WNT9A: variants seen among roughly 807,000 people sequenced by gnomAD.
The protein encoded by WNT9A is Wnt family member 9A.
A neutral mutation model predicts 31.4 loss-of-function variants in WNT9A; 8 were observed. The ratio of observed to expected loss-of-function variants is 0.26; its 90% confidence interval spans 0.15 to 0.46. The LOEUF (loss-of-function observed/expected upper bound fraction) is 0.46, where lower values mean the gene tolerates loss of function less well. WNT9A is among the 20% of genes least tolerant of loss of function. The pLI is 0.99. For missense variants in WNT9A, 457 were observed against 522.9 expected (o/e 0.87, Z 1.23); for synonymous variants, 236 against 220.1 (o/e 1.07, Z -0.64).
At chr1:227,947,201 G>A (rs1292923560) in intron 1 of WNT9A, among the ~76,000 whole-genome samples, 1 of 152,068 alleles carries the variant, frequency 6.6e-6, no homozygotes, top group Admixed American at 6.5e-5. Context: ...CTGCGCTCCC[G>A]GCCAGGTTCC....
At chr1:227,939,276 C>A (rs961704410) in intron 1 of WNT9A, among the ~76,000 whole-genome samples, 2 of 152,202 alleles carry the variant, frequency 1.3e-5, no homozygotes, top group Non-Finnish European at 2.9e-5. Context: ...CTCCTTGAGC[C>A]CTGGAAGCTG....
At chr1:227,922,219 C>G (rs1666332510) in intron 3 of WNT9A, among the ~76,000 whole-genome samples, 1 of 152,212 alleles carries the variant, frequency 6.6e-6, no homozygotes, top group South Asian at 2.1e-4. Context: ...GACAGAGGCT[C>G]CAGGGCCGGC....
intron 1 of WNT9A, among the ~76,000 whole-genome samples, chr1:227,938,657 GCACATA>G (rs1233736575): frequency 1.3e-5 from 2 of 152,042 alleles, no homozygotes; most frequent in African/African-American, 4.8e-5. Flanking sequence ...ACACATACAT[GCACATA>G]CACATACATA....
At position 227,921,062 on chromosome 1, in the gene WNT9A, C is replaced by G. The variant is rs2102715221; in HGVS notation, c.*456G>C. On this transcript the variant is annotated 3_prime_UTR_variant, in exon 4 of 4. Transcript: ENST00000272164. ...CATGCATGGCCCTCACCCTGCACAGCAGGGTTGGCCAGGCCCGGGGACTCG... is the reference window on the plus strand; with the variant it reads ...CATGCATGGCCCTCACCCTGCACAGGAGGGTTGGCCAGGCCCGGGGACTCG... 5.7e-6 allele frequency: 1 copy of G among 174,754 alleles called. No homozygotes were observed. Among genetic ancestry groups the G allele is most frequent in the East Asian group, 1.6e-4 (1 of 6,370 alleles). 10.8% of individuals were successfully genotyped at this position (174,754 alleles called of 1,614,324 possible). A position where few individuals can be genotyped will look rare whatever the true frequency, so the allele number is the denominator to read the frequency against.
chr1:227,920,883 G>T lies in WNT9A; in HGVS notation c.*635C>A, dbSNP rs34253719. The T allele has an allele frequency of 0.1, 15,432 of 152,286 alleles. 874 individuals are homozygous for T. Among genetic ancestry groups the T allele is most frequent in the South Asian group, 0.15 (706 of 4,818 alleles). The allele number at this position is 152,286 out of a possible 1,614,324, so 9.4% of individuals were successfully genotyped here. A position where few individuals can be genotyped will look rare whatever the true frequency, so the allele number is the denominator to read the frequency against. On this transcript the variant is annotated 3_prime_UTR_variant, in exon 4 of 4. Transcript: ENST00000272164. ...ACAAGCAGAGAGGTTGCATACGCCA[G>T]ACCAGAGCCAACCCCCGCCTCTGGG... is the stretch of plus-strand genomic sequence containing the variant.
At position 227,921,287 on chromosome 1, in the gene WNT9A, G is replaced by A. The variant is rs1666307434; in HGVS notation, c.*231C>T. 3 of 624,256 alleles carry A rather than the reference G, an allele frequency of 4.8e-6. No homozygotes were observed. The highest frequency in any genetic ancestry group is 3.1e-5 in the Admixed American group (1 of 31,940). The allele number at this position is 624,256 out of a possible 1,614,324, so 38.7% of individuals were successfully genotyped here. On this transcript the variant is annotated 3_prime_UTR_variant, in exon 4 of 4. Coordinates refer to ENST00000272164, the MANE Select transcript of WNT9A (RefSeq NM_003395.4). ...TAGGCCCATTCATGCTCTGTGCAAT[G>A]CCTGCACCCCATGCAGCTAGGACTG...
At chr1:227,938,255 A>G (rs980783624) in intron 1 of WNT9A, among the ~76,000 whole-genome samples, 8 of 151,756 alleles carry the variant, frequency 5.3e-5, no homozygotes, top group African/African-American at 1.9e-4. Context: ...ACATGTGTAC[A>G]CACACACCCC....
chr1:227,947,788 C>A lies in WNT9A; in HGVS notation c.95+5G>T. On this transcript the variant is annotated splice_donor_5th_base_variant and intron_variant, in intron 1 of 3. Coordinates refer to ENST00000272164, the MANE Select transcript of WNT9A (RefSeq NM_003395.4). ...CAGTGCGCGCCGGCCGCCGAAGGCACCTACCCGAAGTAGGCGGCCGAAGGG... is the reference window on the plus strand; with the variant it reads ...CAGTGCGCGCCGGCCGCCGAAGGCAACTACCCGAAGTAGGCGGCCGAAGGG... The A allele has an allele frequency of 9.2e-7, 1 of 1,091,866 alleles. No individual in the cohort carries two copies. The highest frequency in any genetic ancestry group is 1.1e-6 in the Non-Finnish European group (1 of 899,024). The allele number at this position is 1,091,866 out of a possible 1,614,324, so 67.6% of individuals were successfully genotyped here.
chr1:227,929,665 C>A (rs1666475706), intron 1 of WNT9A, among the ~76,000 whole-genome samples: 1 of 152,212 alleles, frequency 6.6e-6, no homozygotes, highest in Admixed American at 6.5e-5. Flanking sequence ...GAGACCTGGT[C>A]TCTATAAAAT....
At position 227,925,289 on chromosome 1, in the gene WNT9A, C is replaced by A; in HGVS notation, c.326G>T (p.Arg109Leu). The A allele has an allele frequency of 1.9e-6, 3 of 1,571,244 alleles. No homozygotes were observed. Among genetic ancestry groups the A allele is most frequent in the Non-Finnish European group, 2.6e-6 (3 of 1,158,804 alleles). The stretch of plus-strand genomic sequence containing the variant: ...TCGCTTGAGCAGGCTGGCCCGGTAG[C>A]GGCCCTCCAGCGTGCAGTTCCAGCG... ...FERWNCTLEG[R>L]YRASLLKRGF... The change falls in exon 2 of 4, where the codon CGC becomes CTC. Residue 109 changes from arginine to leucine, a missense_variant. Transcript: ENST00000272164. This position sits in a 1 kb window ranked among gnomAD's most constrained non-coding sequence, Gnocchi z 6.0.
chr1:227,924,009 C>G (rs1666370389), intron 3 of WNT9A, 129 bp downstream of exon 3: 1 of 1,307,678 alleles, frequency 7.6e-7, no homozygotes, highest in Admixed American at 2.4e-5. Flanking sequence ...CACCCTCCTA[C>G]AGGAGGCCAC....
chr1:227,922,087 A>G (rs1414953547), intron 3 of WNT9A, 87 bp from the exon 4 acceptor site: 1 of 1,502,438 alleles, frequency 6.7e-7, no homozygotes, highest in Non-Finnish European at 8.8e-7. Context: ...CCCCAGAGGG[A>G]CCCCACACCC....
intron 1 of WNT9A, among the ~76,000 whole-genome samples, chr1:227,937,740 C>T (rs1010012439): frequency 7.9e-5 from 12 of 152,244 alleles, no homozygotes; most frequent in South Asian, 2.1e-4. Flanking sequence ...GCCCTGCGGA[C>T]GCCGTGATTT....
intron 1 of WNT9A, among the ~76,000 whole-genome samples, chr1:227,931,129 G>A (rs1337214543): frequency 2.6e-5 from 4 of 151,932 alleles, no homozygotes; most frequent in African/African-American, 9.7e-5. Context: ...CACTGCCACC[G>A]AGGCTGGAGT....
At chr1:227,922,322 G>A (rs1459109007) in intron 3 of WNT9A, among the ~76,000 whole-genome samples, 1 of 152,192 alleles carries the variant, frequency 6.6e-6, no homozygotes, top group Non-Finnish European at 1.5e-5. Context: ...CTCAGCAGGG[G>A]CTAGACCTTC....
intron 1 of WNT9A, among the ~76,000 whole-genome samples, chr1:227,931,935 C>T (rs1295868568): frequency 6.6e-6 from 1 of 150,472 alleles, no homozygotes; most frequent in Non-Finnish European, 1.5e-5. Context: ...GTTGGCCAGG[C>T]TGGTCTGGAA....
intron 1 of WNT9A, among the ~76,000 whole-genome samples, chr1:227,946,908 C>T (rs1666803225): frequency 6.6e-6 from 1 of 152,156 alleles, no homozygotes; most frequent in African/African-American, 2.4e-5. Flanking sequence ...GATCCGAAGG[C>T]CAGCCAGGGC....
At chr1:227,927,399 G>C (rs756811281) in intron 1 of WNT9A, among the ~76,000 whole-genome samples, 31 of 152,202 alleles carry the variant, frequency 2.0e-4, no homozygotes, top group Non-Finnish European at 3.5e-4. Flanking sequence ...CCAGTCCTCT[G>C]AGCCTGGACA....
intron 3 of WNT9A, 48 bp from the exon 4 acceptor site, chr1:227,922,048 G>T: frequency 6.4e-7 from 1 of 1,554,946 alleles, no homozygotes; most frequent in Middle Eastern, 1.8e-4. Context: ...CTGTGCAGGT[G>T]GGCCCAGTGA....
Sources: gnomAD v4.1 joint callset for allele counts (sites outside exome capture counted in the v4.1 genomes callset) on GRCh38, gnomAD v4.1.1 for gene constraint, Gnocchi (gnomAD v3.1) non-coding constraint, MANE v1.5 for transcripts, NCBI Gene and HGNC (gene_info 2026-07-23, HGNC 2026-07-21) for gene names.